The following GRM8 variants were observed in gnomAD, a reference collection of about 807,000 sequenced individuals.
The protein encoded by GRM8 is glutamate metabotropic receptor 8.
GRM8 carries 47 observed loss-of-function variants against 87.2 expected under a neutral mutation model. The ratio of observed to expected loss-of-function variants is 0.54; its 90% CI spans 0.43 to 0.69. The LOEUF is 0.69. GRM8 is among the 30% of genes least tolerant of loss of function. The pLI is 0.00. For synonymous variants in GRM8, 396 were observed against 404.5 expected, an observed-to-expected ratio of 0.98 and a Z score of 0.25; for missense variants, 1,019 against 1,139.2, an observed-to-expected ratio of 0.89 and a Z score of 1.52.
intron 9 of GRM8, among the ~76,000 whole-genome samples, chr7:126,471,869 A>G (rs2150560201): frequency 6.6e-6 from 1 of 152,210 alleles, no homozygotes; most frequent in Non-Finnish European, 1.5e-5. Context: ...TATTTCATTG[A>G]ACAGTGGTTT....
At chr7:126,863,689 T>C (rs540213881) in intron 6 of GRM8, among the ~76,000 whole-genome samples, 18 of 152,290 alleles carry the variant, frequency 1.2e-4, no homozygotes, top group African/African-American at 3.8e-4. Flanking sequence ...AGTGAGTTAT[T>C]GAAGTCTTCT....
chr7:127,230,556 C>G (rs1287143550), intron 2 of GRM8, among the ~76,000 whole-genome samples: 1 of 152,082 alleles, frequency 6.6e-6, no homozygotes, highest in Non-Finnish European at 1.5e-5. Context: ...ATGTGTATCC[C>G]CCACCAGAAT....
chr7:127,119,831 T>C (rs1411419813), intron 2 of GRM8, among the ~76,000 whole-genome samples: 1 of 152,194 alleles, frequency 6.6e-6, no homozygotes, highest in African/African-American at 2.4e-5. Context: ...TAAATCTCTA[T>C]CTCCTTTGTT....
chr7:127,042,778 T>A (rs982213137), intron 3 of GRM8, among the ~76,000 whole-genome samples: 2 of 152,126 alleles, frequency 1.3e-5, no homozygotes, highest in African/African-American at 4.8e-5. Context: ...CTAATTAAAC[T>A]AAAGCACTTC....
chr7:127,002,344 G>A lies in GRM8; in HGVS notation c.728-97661C>T, dbSNP rs532511635. 7.9e-5 allele frequency among the ~76,000 whole-genome samples: 12 copies of A among 151,722 alleles called. No homozygotes were observed. In the South Asian group the frequency reaches 2.3e-3, roughly 29 times the overall value. On this transcript the variant is annotated intron_variant, in intron 3 of 10. Transcript: ENST00000339582. ...AAGCTGGAATGTGGGTATAAATCAA[G>A]TTTAAGGATAAGCAGAATACCAGGT...
intron 3 of GRM8, among the ~76,000 whole-genome samples, chr7:126,936,789 G>A (rs926926517): frequency 5.9e-5 from 9 of 152,156 alleles, no homozygotes; most frequent in Admixed American, 1.3e-4. Flanking sequence ...AGAAGGAATC[G>A]GGGCTTTCTC....
intron 3 of GRM8, chr7:127,084,897 T>A (rs1230995287): frequency 6.6e-6 from 1 of 152,228 alleles, no homozygotes; most frequent in East Asian, 1.9e-4. Flanking sequence ...ATGTGCCATG[T>A]TGGTTTGCTG....
At chr7:126,495,536 A>G (rs1808598927) in intron 9 of GRM8, among the ~76,000 whole-genome samples, 1 of 151,996 alleles carries the variant, frequency 6.6e-6, no homozygotes, top group African/African-American at 2.4e-5. Context: ...CCAACTACCC[A>G]GGAACTTAAA....
intron 3 of GRM8, among the ~76,000 whole-genome samples, chr7:127,088,968 G>A (rs563984391): frequency 3.9e-5 from 6 of 152,288 alleles, no homozygotes; most frequent in South Asian, 4.1e-4. Flanking sequence ...AATTGGAAGC[G>A]AAGCACATCC....
At chr7:126,914,608 G>T (rs537742447) in intron 3 of GRM8, among the ~76,000 whole-genome samples, 1 of 152,160 alleles carries the variant, frequency 6.6e-6, no homozygotes, top group Non-Finnish European at 1.5e-5. Context: ...ATGAAATCTT[G>T]CCCTTTGCAG....
intron 3 of GRM8, among the ~76,000 whole-genome samples, chr7:127,005,125 T>C (rs1254660886): frequency 1.3e-5 from 2 of 150,812 alleles, no homozygotes; most frequent in East Asian, 3.9e-4. Flanking sequence ...GGAACTTTTT[T>C]TTTTTTTTTT....
intron 2 of GRM8, among the ~76,000 whole-genome samples, chr7:127,212,736 A>G (rs1796299901): frequency 6.6e-6 from 1 of 152,118 alleles, no homozygotes; most frequent in African/African-American, 2.4e-5. Context: ...TTATTTTTTA[A>G]CTGAGACATA....
intron 7 of GRM8, chr7:126,701,719 A>G (rs1764809802): frequency 1.5e-6 from 1 of 689,280 alleles, no homozygotes; most frequent in Non-Finnish European, 2.3e-6. Flanking sequence ...CAAGAAGTAT[A>G]AAACTATTGT....
At chr7:126,591,284 G>A (rs557601060) in intron 8 of GRM8, among the ~76,000 whole-genome samples, 199 of 152,038 alleles carry the variant, frequency 1.3e-3, no homozygotes, top group Non-Finnish European at 2.4e-3. Context: ...GACAAAGAGG[G>A]ACATAATACA....
chr7:127,118,034 T>G (rs577109886), intron 2 of GRM8, among the ~76,000 whole-genome samples: 34 of 152,370 alleles, frequency 2.2e-4, no homozygotes, highest in African/African-American at 7.7e-4. Flanking sequence ...TTAGTGATTA[T>G]CCGCATTCAC....
Position 127,222,131 on chromosome 7 carries a change from T to C in GRM8, c.510+20564A>G, listed in dbSNP as rs899624296. On this transcript the variant is annotated intron_variant, in intron 2 of 10. Transcript: ENST00000339582. ...CATTACAGCATTAACATCACCAACA[T>C]GCAGTGGCTCATGCCAGTAATCCCA... 6.6e-5 allele frequency among the ~76,000 whole-genome samples: 10 copies of C among 152,258 alleles called. No homozygotes were observed. The South Asian group carries it at 2.1e-3, about 32-fold the overall frequency.
intron 9 of GRM8, among the ~76,000 whole-genome samples, chr7:126,451,782 T>G (rs1433587640): frequency 6.6e-6 from 1 of 151,764 alleles, no homozygotes; most frequent in African/African-American, 2.4e-5. Flanking sequence ...GTGGCTTGCC[T>G]CTTCACTGCC....
intron 2 of GRM8, among the ~76,000 whole-genome samples, chr7:127,222,242 C>T (rs564064615): frequency 6.6e-6 from 1 of 152,236 alleles, no homozygotes; most frequent in South Asian, 2.1e-4. Flanking sequence ...CCCATCTTTG[C>T]AAAAAATATA....
intron 8 of GRM8, among the ~76,000 whole-genome samples, chr7:126,556,774 G>A (rs1456554282): frequency 6.6e-6 from 1 of 152,134 alleles, no homozygotes; most frequent in Non-Finnish European, 1.5e-5. Context: ...GTAATCAAAA[G>A]ACTCCAAATG....
Sources: gnomAD v4.1 joint callset for allele counts (sites outside exome capture counted in the v4.1 genomes callset) on GRCh38, gnomAD v4.1.1 for gene constraint, MANE v1.5 for transcripts, NCBI Gene and HGNC (gene_info 2026-07-23, HGNC 2026-07-21) for gene names.